MEIS2: variants seen among roughly 807,000 people sequenced by gnomAD.
MEIS2 encodes the protein homeobox protein Meis2.
A neutral mutation model predicts 58.6 loss-of-function variants in MEIS2; 9 were observed. The ratio of observed to expected loss-of-function variants is 0.15; its 90% CI spans 0.09 to 0.27. MEIS2 has a LOEUF of 0.27. Ranked by LOEUF, MEIS2 falls within the 10% of genes least tolerant of loss-of-function variation. MEIS2 has a pLI of 1.00. For synonymous variants in MEIS2, 221 were observed against 228.4 expected, an observed-to-expected ratio of 0.97 and a Z score of 0.29; for missense variants, 427 against 635.0, an observed-to-expected ratio of 0.67 and a Z score of 3.52.
At chr15:36,902,911 G>A (rs1288833065) in intron 9 of MEIS2, among the ~76,000 whole-genome samples, 1 of 152,170 alleles carries the variant, frequency 6.6e-6, no homozygotes, top group African/African-American at 2.4e-5. Flanking sequence ...CTCAGGCATG[G>A]ATAGGAGAAT....
At chr15:37,075,123 T>C (rs17437969) in intron 7 of MEIS2, among the ~76,000 whole-genome samples, 15,712 of 151,992 alleles carry the variant, frequency 0.1, 986 homozygotes, top group Non-Finnish European at 0.14. Flanking sequence ...AAATGGATCC[T>C]GAGTCCATGA....
At chr15:36,995,585 C>G (rs2060446712) in intron 8 of MEIS2, among the ~76,000 whole-genome samples, 1 of 146,058 alleles carries the variant, frequency 6.8e-6, no homozygotes, top group Admixed American at 6.9e-5. Context: ...AATGGCAAAG[C>G]CATTACGTTC....
intron 7 of MEIS2, chr15:37,050,722 A>G (rs1298921798): frequency 1.3e-5 from 2 of 152,224 alleles, no homozygotes; most frequent in African/African-American, 4.8e-5. Context: ...TAAACACAGA[A>G]GCACGTACTC....
intron 8 of MEIS2, among the ~76,000 whole-genome samples, chr15:37,002,314 C>T (rs903634048): frequency 1.3e-5 from 2 of 151,364 alleles, no homozygotes; most frequent in African/African-American, 4.9e-5. Flanking sequence ...GCTTCTGCAG[C>T]CTCCTTAAAA....
chr15:37,089,749 A>C (rs1277406004), intron 6 of MEIS2, among the ~76,000 whole-genome samples: 1 of 152,148 alleles, frequency 6.6e-6, no homozygotes, highest in African/African-American at 2.4e-5. Flanking sequence ...CTTCAAGAAA[A>C]TAGAGCTTAG....
intron 8 of MEIS2, among the ~76,000 whole-genome samples, chr15:36,980,653 T>TA (rs1410176553): frequency 2.0e-5 from 3 of 152,228 alleles, no homozygotes; most frequent in African/African-American, 7.2e-5. Context: ...AACAATTTCT[T>TA]AAACTTAAAA....
chr15:37,097,748 G>T (rs549784616), intron 2 of MEIS2, among the ~76,000 whole-genome samples: 1 of 152,100 alleles, frequency 6.6e-6, no homozygotes, highest in Non-Finnish European at 1.5e-5. Flanking sequence ...GTCTGGAGTG[G>T]TCGGGCTGTG....
chr15:37,024,274 C>G (rs1188896763), intron 8 of MEIS2, among the ~76,000 whole-genome samples: 3 of 152,108 alleles, frequency 2.0e-5, no homozygotes, highest in African/African-American at 7.2e-5. Context: ...GATTATGCTC[C>G]TACTGGTCTG....
rs568941529 is a variant in MEIS2 at position 37,030,157 on chromosome 15, T to C, written c.900+6657A>G. Among the ~76,000 whole-genome samples, 11 of 152,276 alleles carry C rather than the reference T, an allele frequency of 7.2e-5. No homozygotes were observed. In the South Asian group the frequency reaches 2.3e-3, roughly 32 times the overall value. On this transcript the variant is annotated intron_variant, in intron 8 of 11. Transcript: ENST00000561208. ...GCATTCTCTCTCAAAAGTAGCCCCA[T>C]TGGAGACATTCTGAACTACTCCATA...
At position 37,083,811 on chromosome 15, in the gene MEIS2, C is replaced by T. The variant is rs911676407; in HGVS notation, c.714G>A (p.Gly238=). 6.2e-6 allele frequency: 10 copies of T among 1,613,926 alleles called. No individual in the cohort carries two copies. Among genetic ancestry groups the T allele is most frequent in the Non-Finnish European group, 8.5e-6 (10 of 1,179,930 alleles). ...TGTCTCCGCTCTGGGAAGCATGGCCCCCACTGGAGGGCCCTGGGGTGCCTG... is the reference window on the plus strand; with the variant it reads ...TGTCTCCGCTCTGGGAAGCATGGCCTCCACTGGAGGGCCCTGGGGTGCCTG... The part of the protein sequence containing the change: ...HSAGTPGPSS[G]GHASQSGDNS... Residue 238 remains glycine (G), a synonymous_variant, in exon 7 of 12, where the codon GGG becomes GGA. Coordinates refer to ENST00000561208, the MANE Select transcript of MEIS2 (RefSeq NM_170675.5).
intron 1 of MEIS2, 130 bp from the exon 2 acceptor site, chr15:37,098,329 G>C: frequency 7.5e-7 from 1 of 1,327,108 alleles, no homozygotes; most frequent in East Asian, 2.7e-5. Context: ...ATGAGAGAGA[G>C]GGAGGGAGGT....
chr15:36,971,230 G>A lies in MEIS2; in HGVS notation c.901-20830C>T, dbSNP rs553851305. Reference sequence around the variant, plus strand: ...TTATAGCATATTGAAATGTTTTGGCGCCAACTCATCTCATTCTAATACCTC... The same window carrying A: ...TTATAGCATATTGAAATGTTTTGGCACCAACTCATCTCATTCTAATACCTC... On this transcript the variant is annotated intron_variant, in intron 8 of 11. Coordinates refer to ENST00000561208, the MANE Select transcript of MEIS2 (RefSeq NM_170675.5). 7.2e-4 allele frequency among the ~76,000 whole-genome samples: 110 copies of A among 151,980 alleles called. No individual in the cohort carries two copies. The South Asian group carries it at 9.2e-3, about 13-fold the overall frequency.
chr15:36,932,146 C>A (rs1321084406), intron 9 of MEIS2, among the ~76,000 whole-genome samples: 4 of 152,074 alleles, frequency 2.6e-5, no homozygotes, highest in Non-Finnish European at 5.9e-5. Flanking sequence ...ATAATTATAA[C>A]CAAAGCAGAC....
rs1264115297 is a variant in MEIS2, at chr15:36,974,331, G to C, written c.901-23931C>G. Among the ~76,000 whole-genome samples the C allele has an allele frequency of 3.3e-5, 5 of 152,152 alleles. No individual in the cohort carries two copies. In the East Asian group the frequency reaches 5.8e-4, roughly 18 times the overall value. ...TTCTTTCCATCGAGCCACAGAAGTTGACCCCAGTAAGACCATTAAGTCCAC... is the reference window on the plus strand; with the variant it reads ...TTCTTTCCATCGAGCCACAGAAGTTCACCCCAGTAAGACCATTAAGTCCAC... On this transcript the variant is annotated intron_variant, in intron 8 of 11. Transcript: ENST00000561208.
chr15:36,987,352 G>A (rs2060125561), intron 8 of MEIS2, among the ~76,000 whole-genome samples: 1 of 149,126 alleles, frequency 6.7e-6, no homozygotes, highest in Non-Finnish European at 1.5e-5. Context: ...AGGTTGCAGT[G>A]AGCCAAGATT....
intron 7 of MEIS2, among the ~76,000 whole-genome samples, chr15:37,038,436 G>A (rs956353270): frequency 3.3e-5 from 5 of 152,196 alleles, no homozygotes; most frequent in Admixed American, 1.3e-4. Context: ...GACTAGAGAA[G>A]CAGAAAAGCC....
At chr15:36,971,563 A>AAAAAAAAG (rs2059572402) in intron 8 of MEIS2, among the ~76,000 whole-genome samples, 1 of 148,484 alleles carries the variant, frequency 6.7e-6, no homozygotes, top group Non-Finnish European at 1.5e-5. Flanking sequence ...AAAAAAAAAA[A>AAAAAAAAG]AGGGCTGTTC....
chr15:36,982,696 G>C (rs1174848326), intron 8 of MEIS2, among the ~76,000 whole-genome samples: 3 of 152,130 alleles, frequency 2.0e-5, no homozygotes, highest in African/African-American at 2.4e-5. Context: ...TCACATGATA[G>C]TTCTATTTTT....
chr15:37,070,796 G>T (rs1036536499), intron 7 of MEIS2, among the ~76,000 whole-genome samples: 5 of 152,038 alleles, frequency 3.3e-5, no homozygotes, highest in African/African-American at 1.2e-4. Flanking sequence ...CTAGAATGGT[G>T]TCACATACAT....
Sources: allele counts gnomAD v4.1 joint callset (sites outside exome capture counted in the v4.1 genomes callset), GRCh38; gene constraint gnomAD v4.1.1; transcripts MANE v1.5; gene names NCBI Gene and HGNC (gene_info 2026-07-23, HGNC 2026-07-21).